The following ADAM32 variants were observed in gnomAD, a reference collection of about 807,000 sequenced individuals.
ADAM32 encodes ADAM metallopeptidase domain 32.
A neutral mutation model predicts 114.9 loss-of-function variants in ADAM32; 89 were observed. That is an observed-to-expected ratio of 0.77 (90% CI 0.65 to 0.92). The LOEUF (loss-of-function observed/expected upper bound fraction) is 0.92. Ranked by LOEUF, ADAM32 falls within the 40% of genes least tolerant of loss-of-function variation. ADAM32 has a pLI of 0.00. For missense variants in ADAM32, 870 were observed against 932.8 expected (o/e 0.93, Z 0.88); for synonymous variants, 285 against 307.5 (o/e 0.93, Z 0.77).
In ADAM32 at chr8:39,136,729, A is replaced by C. The variant is rs780813574; in HGVS notation, c.200+11A>C. 1 of 1,463,834 alleles carries C rather than the reference A, an allele frequency of 6.8e-7. No homozygotes were observed. The highest frequency in any genetic ancestry group is 1.3e-5 in the South Asian group (1 of 74,546). The allele number at this position is 1,463,834 out of a possible 1,614,324, so 90.7% of individuals were successfully genotyped here. A position where few individuals can be genotyped will look rare whatever the true frequency, so the allele number is the denominator to read the frequency against. On this transcript the variant is annotated intron_variant, in intron 3 of 24. Coordinates refer to ENST00000379907, the MANE Select transcript of ADAM32 (RefSeq NM_145004.7). ...GCACCTTAAACAAAGGTAAATTTTT[A>C]TTCTTTAGTTTTGGATTTTATTTTA...
At chr8:39,193,921 G>A (rs1806771581) in intron 11 of ADAM32, among the ~76,000 whole-genome samples, 1 of 152,180 alleles carries the variant, frequency 6.6e-6, no homozygotes, top group African/African-American at 2.4e-5. Flanking sequence ...CCAATAGGTG[G>A]TGCCAGCCAA....
chr8:39,180,229 A>C (rs1261454215), intron 10 of ADAM32, among the ~76,000 whole-genome samples: 1 of 152,076 alleles, frequency 6.6e-6, no homozygotes, highest in Admixed American at 6.5e-5. Context: ...GGCCCTGCCG[A>C]CCCCAGGCAG....
chr8:39,137,931 G>A (rs1021964454), intron 3 of ADAM32, among the ~76,000 whole-genome samples: 2 of 152,186 alleles, frequency 1.3e-5, no homozygotes, highest in African/African-American at 2.4e-5. Flanking sequence ...GAAAGTTAGA[G>A]AGCTCACATT....
chr8:39,198,356 T>C (rs537053453), intron 11 of ADAM32, among the ~76,000 whole-genome samples: 1 of 152,246 alleles, frequency 6.6e-6, no homozygotes, highest in East Asian at 1.9e-4. Flanking sequence ...TGTTTTCTGA[T>C]TGATATATTC....
At chr8:39,188,374 TG>T (rs1391005041) in intron 11 of ADAM32, among the ~76,000 whole-genome samples, 4 of 29,136 alleles carry the variant, frequency 1.4e-4, no homozygotes, top group Non-Finnish European at 2.6e-4. Flanking sequence ...TCTATCTATC[TG>T]TCTGTCTGTC....
chr8:39,266,436 C>T (rs893719594), intron 19 of ADAM32, among the ~76,000 whole-genome samples: 4 of 152,176 alleles, frequency 2.6e-5, no homozygotes, highest in Admixed American at 1.3e-4. Context: ...ATTCTTTCCT[C>T]AGCATGGTCT....
chr8:39,154,146 C>T (rs991281164), intron 6 of ADAM32, among the ~76,000 whole-genome samples: 1 of 151,570 alleles, frequency 6.6e-6, no homozygotes, highest in African/African-American at 2.4e-5. Context: ...CCTATCAACC[C>T]GTCATCTACA....
At chr8:39,109,902 C>T (rs1368782786) in intron 1 of ADAM32, among the ~76,000 whole-genome samples, 2 of 152,192 alleles carry the variant, frequency 1.3e-5, no homozygotes, top group Non-Finnish European at 2.9e-5. Flanking sequence ...CCCTCCCTCC[C>T]CACTGCCCCT....
At chr8:39,201,689 C>T (rs56413946) in intron 11 of ADAM32, among the ~76,000 whole-genome samples, 12,864 of 152,202 alleles carry the variant, frequency 0.085, 1,842 homozygotes, top group African/African-American at 0.29. Flanking sequence ...TAAGAGAGGG[C>T]ATCCCTGTCT....
At chr8:39,275,702 T>C in intron 21 of ADAM32, 126 bp from the exon 22 acceptor site, 2 of 820,614 alleles carry the variant, frequency 2.4e-6, no homozygotes, top group South Asian at 5.3e-5. Flanking sequence ...GAAATTATTC[T>C]TCAGTGGTGA....
chr8:39,140,068 T>C (rs936996201), intron 3 of ADAM32, among the ~76,000 whole-genome samples: 3 of 152,164 alleles, frequency 2.0e-5, no homozygotes, highest in Non-Finnish European at 2.9e-5. Flanking sequence ...CTTAAGGAGA[T>C]TTTGGGCTGA....
chr8:39,120,579 T>G (rs1840550339), intron 2 of ADAM32, among the ~76,000 whole-genome samples: 1 of 151,914 alleles, frequency 6.6e-6, no homozygotes, highest in Non-Finnish European at 1.5e-5. Flanking sequence ...CTGGGTAACA[T>G]GGTGAAACCC....
chr8:39,142,832 C>T (rs908592880), intron 3 of ADAM32, among the ~76,000 whole-genome samples: 2 of 152,096 alleles, frequency 1.3e-5, no homozygotes, highest in Non-Finnish European at 2.9e-5. Context: ...TGTCACTTTC[C>T]GGTACACCAA....
intron 14 of ADAM32, among the ~76,000 whole-genome samples, chr8:39,228,095 C>T (rs965103102): frequency 2.6e-5 from 4 of 152,142 alleles, no homozygotes; most frequent in Admixed American, 1.3e-4. Flanking sequence ...CACTGCAGTT[C>T]GGCTCATAGG....
chr8:39,117,008 G>A (rs1026245869), intron 1 of ADAM32, among the ~76,000 whole-genome samples: 1 of 151,834 alleles, frequency 6.6e-6, no homozygotes, highest in Non-Finnish European at 1.5e-5. Context: ...CTCAGCCTCC[G>A]GAGTAGCTGG....
At chr8:39,225,746 A>C (rs1312950621) in intron 14 of ADAM32, among the ~76,000 whole-genome samples, 4 of 151,844 alleles carry the variant, frequency 2.6e-5, no homozygotes, top group Non-Finnish European at 4.4e-5. Context: ...GAACCATCCA[A>C]CTCTACCCTT....
At chr8:39,189,102 T>C (rs1433305340) in intron 11 of ADAM32, among the ~76,000 whole-genome samples, 1 of 152,146 alleles carries the variant, frequency 6.6e-6, no homozygotes, top group Non-Finnish European at 1.5e-5. Flanking sequence ...GCCAGATAAT[T>C]GAATTAGACA....
At chr8:39,221,531 C>T (rs1808959572) in intron 12 of ADAM32, 79 bp from the exon 13 acceptor site, 1 of 1,076,160 alleles carries the variant, frequency 9.3e-7, no homozygotes. Context: ...AAACAGTAAG[C>T]CCATCAAAAT....
At chr8:39,227,503 G>A (rs952103904) in intron 14 of ADAM32, among the ~76,000 whole-genome samples, 6 of 152,180 alleles carry the variant, frequency 3.9e-5, no homozygotes, top group Non-Finnish European at 7.4e-5. Flanking sequence ...CACGGTGGGA[G>A]TGAGACAGGC....
Sources: gnomAD v4.1 joint callset for allele counts (sites outside exome capture counted in the v4.1 genomes callset) on GRCh38, gnomAD v4.1.1 for gene constraint, MANE v1.5 for transcripts, NCBI Gene and HGNC (gene_info 2026-07-23, HGNC 2026-07-21) for gene names.